Variants in TAFA1 observed in about 807,000 individuals in gnomAD.
The protein encoded by TAFA1 is chemokine-like protein TAFA-1.
In TAFA1, 4 loss-of-function variants were observed where a neutral mutation model predicts 18.5. That is an observed-to-expected ratio of 0.22 (90% CI 0.11 to 0.49). The LOEUF (loss-of-function observed/expected upper bound fraction) is 0.49, where lower values mean the gene tolerates loss of function less well. Ranked by LOEUF, TAFA1 falls within the 20% of genes least tolerant of loss-of-function variation. The pLI is 0.98. For synonymous variants in TAFA1, 56 were observed against 55.2 expected (o/e 1.01, Z -0.06); for missense variants, 147 against 169.0 (o/e 0.87, Z 0.72).
At chr3:68,273,691 A>G (rs1371366966) in intron 2 of TAFA1, among the ~76,000 whole-genome samples, 1 of 152,194 alleles carries the variant, frequency 6.6e-6, no homozygotes, top group Non-Finnish European at 1.5e-5. Flanking sequence ...GAATATAAGA[A>G]TGGAAGCTAG....
chr3:68,103,279 A>G (rs1486447800), intron 2 of TAFA1, among the ~76,000 whole-genome samples: 1 of 152,226 alleles, frequency 6.6e-6, no homozygotes, highest in Middle Eastern at 3.2e-3. Flanking sequence ...GTGCAGGGGA[A>G]TTAGCTGCAG....
chr3:68,377,628 T>A (rs1223576516), intron 2 of TAFA1, among the ~76,000 whole-genome samples: 2 of 152,154 alleles, frequency 1.3e-5, no homozygotes, highest in African/African-American at 4.8e-5. Flanking sequence ...GTAACGAGGA[T>A]TTAATTGTTA....
chr3:68,305,804 A>G (rs1391000556), intron 2 of TAFA1, among the ~76,000 whole-genome samples: 1 of 152,090 alleles, frequency 6.6e-6, no homozygotes, highest in East Asian at 1.9e-4. Flanking sequence ...AGGCTGGTTC[A>G]CACCCTGCTC....
chr3:68,081,075 A>G (rs1047397842), intron 2 of TAFA1, among the ~76,000 whole-genome samples: 3 of 151,760 alleles, frequency 2.0e-5, no homozygotes, highest in Admixed American at 1.3e-4. Flanking sequence ...ATCTTCCATC[A>G]CTGATACCCT....
intron 3 of TAFA1, among the ~76,000 whole-genome samples, chr3:68,475,589 T>G (rs1312895344): frequency 6.6e-6 from 1 of 152,224 alleles, no homozygotes; most frequent in Non-Finnish European, 1.5e-5. Flanking sequence ...TTCCAAGTCT[T>G]TGCTATTGTG....
chr3:68,181,706 A>C (rs1185043948), intron 2 of TAFA1, among the ~76,000 whole-genome samples: 11 of 152,214 alleles, frequency 7.2e-5, no homozygotes, highest in Admixed American at 7.2e-4. Flanking sequence ...AGTTCCCAGA[A>C]TACTAGACTC....
intron 2 of TAFA1, among the ~76,000 whole-genome samples, chr3:68,235,381 G>T (rs2066916609): frequency 6.6e-6 from 1 of 152,072 alleles, no homozygotes; most frequent in Admixed American, 6.5e-5. Flanking sequence ...ACACCTACCA[G>T]TTATAAAATT....
chr3:68,444,529 G>A (rs1421353435), intron 3 of TAFA1, among the ~76,000 whole-genome samples: 1 of 151,932 alleles, frequency 6.6e-6, no homozygotes, highest in African/African-American at 2.4e-5. Flanking sequence ...ACAAATCTTG[G>A]GTGAATAGTT....
chr3:68,074,560 C>T (rs1466145593), intron 2 of TAFA1, among the ~76,000 whole-genome samples: 1 of 152,122 alleles, frequency 6.6e-6, no homozygotes, highest in Non-Finnish European at 1.5e-5. Flanking sequence ...GATATGATGA[C>T]ACTAAAATGA....
At chr3:68,396,075 G>A (rs566004387) in intron 2 of TAFA1, among the ~76,000 whole-genome samples, 159 of 152,070 alleles carry the variant, frequency 1.0e-3, no homozygotes, top group African/African-American at 3.5e-3. Flanking sequence ...GAAAATGTTT[G>A]TAGATTTACT....
At chr3:68,022,401 A>G (rs1389416786) in intron 2 of TAFA1, among the ~76,000 whole-genome samples, 1 of 152,162 alleles carries the variant, frequency 6.6e-6, no homozygotes, top group Non-Finnish European at 1.5e-5. Flanking sequence ...CAGGACAGAC[A>G]TTCTTGTCTT....
chr3:68,364,241 C>T (rs1223969617), intron 2 of TAFA1, among the ~76,000 whole-genome samples: 2 of 152,198 alleles, frequency 1.3e-5, no homozygotes, highest in African/African-American at 4.8e-5. Context: ...GTTTAAAATA[C>T]AGATCCCTGG....
intron 2 of TAFA1, among the ~76,000 whole-genome samples, chr3:68,082,080 T>G (rs962049675): frequency 1.3e-5 from 2 of 152,176 alleles, no homozygotes; most frequent in Non-Finnish European, 2.9e-5. Flanking sequence ...AATTTTCCAG[T>G]TGCCGTCCGT....
chr3:68,305,423 ATATATATATAT>A (rs1559608935), intron 2 of TAFA1, among the ~76,000 whole-genome samples: 3,560 of 94,298 alleles, frequency 0.038, 276 homozygotes, highest in East Asian at 0.14. Context: ...ATATATATAT[ATATATATATAT>A]ATATATATAT....
chr3:68,448,355 T>C (rs554024247), intron 3 of TAFA1, among the ~76,000 whole-genome samples: 1 of 152,354 alleles, frequency 6.6e-6, no homozygotes, highest in Non-Finnish European at 1.5e-5. Flanking sequence ...TGCATACTTC[T>C]TTATTAATAC....
intron 2 of TAFA1, among the ~76,000 whole-genome samples, chr3:68,396,288 T>A (rs1378458150): frequency 6.6e-6 from 1 of 152,086 alleles, no homozygotes; most frequent in East Asian, 1.9e-4. Flanking sequence ...TCAGTGGATT[T>A]CCATTAACTG....
intron 3 of TAFA1, among the ~76,000 whole-genome samples, chr3:68,443,368 A>G (rs752431825): frequency 1.1e-4 from 16 of 149,666 alleles, no homozygotes; most frequent in Non-Finnish European, 2.1e-4. Flanking sequence ...TCAAGCATCT[A>G]CCTCACAGTC....
At chr3:68,430,864 C>A (rs2071156641) in intron 3 of TAFA1, among the ~76,000 whole-genome samples, 1 of 151,952 alleles carries the variant, frequency 6.6e-6, no homozygotes, top group South Asian at 2.1e-4. Flanking sequence ...AATCACTGTT[C>A]TTTTCAATTC....
chr3:68,075,451 G>A (rs2064811190), intron 2 of TAFA1, among the ~76,000 whole-genome samples: 1 of 152,116 alleles, frequency 6.6e-6, no homozygotes, highest in Admixed American at 6.5e-5. Context: ...TTACTTCAGT[G>A]GAATTATAAT....
Sources: gnomAD v4.1 joint callset for allele counts (sites outside exome capture counted in the v4.1 genomes callset) on GRCh38, gnomAD v4.1.1 for gene constraint, MANE v1.5 for transcripts, NCBI Gene and HGNC (gene_info 2026-07-23, HGNC 2026-07-21) for gene names.